DLG2: variants seen among roughly 807,000 people sequenced by gnomAD.
DLG2 encodes the protein disks large homolog 2.
In DLG2, 45 loss-of-function variants were observed where a neutral mutation model predicts 132.5. That is an observed-to-expected ratio of 0.34 (90% CI 0.27 to 0.44). The LOEUF is 0.44. Ranked by LOEUF, DLG2 falls within the 20% of genes least tolerant of loss-of-function variation. DLG2 has a pLI of 1.00. For synonymous variants in DLG2, 424 were observed against 419.6 expected (o/e 1.01, Z -0.13); for missense variants, 1,045 against 1,196.9 (o/e 0.87, Z 1.87).
rs571111157 is a variant in DLG2 at position 83,947,280 on chromosome 11, C to T, written c.1340+15605G>A. 2.0e-5 allele frequency among the ~76,000 whole-genome samples: 3 copies of T among 152,114 alleles called. No homozygotes were observed. In the South Asian group the frequency reaches 6.2e-4, roughly 32 times the overall value. On this transcript the variant is annotated intron_variant, in intron 14 of 27. Coordinates refer to ENST00000376104, the MANE Select transcript of DLG2 (RefSeq NM_001142699.3). ...TTAAATGAATAATCAGTTTCTTTAA[C>T]ATAGACTTTTCTTTTTGCATGACTT...
chr11:84,147,668 A>G (rs2095135404), intron 9 of DLG2, among the ~76,000 whole-genome samples: 1 of 152,144 alleles, frequency 6.6e-6, no homozygotes, highest in Admixed American at 6.5e-5. Context: ...AACATACTTA[A>G]ATATATATTA....
At chr11:84,118,650 A>T (rs1214488674) in intron 9 of DLG2, among the ~76,000 whole-genome samples, 1 of 152,206 alleles carries the variant, frequency 6.6e-6, no homozygotes, top group Non-Finnish European at 1.5e-5. Context: ...AAGGTACTTA[A>T]CCCGAGTATA....
intron 8 of DLG2, among the ~76,000 whole-genome samples, chr11:84,218,295 A>AAGAGAGAAAG (rs112060395): frequency 1.4e-5 from 2 of 140,350 alleles, no homozygotes; most frequent in African/African-American, 5.5e-5. Context: ...GAAAGAGAGA[A>AAGAGAGAAAG]AGAGAAAGAA....
At chr11:85,552,897 A>T (rs2076743833) in intron 3 of DLG2, among the ~76,000 whole-genome samples, 1 of 151,734 alleles carries the variant, frequency 6.6e-6, no homozygotes, top group Non-Finnish European at 1.5e-5. Context: ...ATGATAAAAA[A>T]CATGATCAAA....
chr11:84,651,942 A>T (rs1471480693), intron 6 of DLG2, among the ~76,000 whole-genome samples: 1 of 152,184 alleles, frequency 6.6e-6, no homozygotes, highest in East Asian at 1.9e-4. Flanking sequence ...GAATTATTGG[A>T]AGGCGGAGGA....
chr11:83,857,203 A>G (rs922232976), intron 16 of DLG2, among the ~76,000 whole-genome samples: 4 of 151,880 alleles, frequency 2.6e-5, no homozygotes, highest in Non-Finnish European at 4.4e-5. Context: ...TGTGCCATGC[A>G]GTTTTGGTTC....
At chr11:84,971,737 G>A (rs182872475) in intron 6 of DLG2, among the ~76,000 whole-genome samples, 5 of 152,084 alleles carry the variant, frequency 3.3e-5, no homozygotes, top group African/African-American at 1.2e-4. Context: ...AAATGACCTA[G>A]AGAAAACTTC....
chr11:83,921,072 C>G (rs186414496), intron 15 of DLG2, among the ~76,000 whole-genome samples: 35 of 152,204 alleles, frequency 2.3e-4, no homozygotes, highest in Admixed American at 2.6e-4. Flanking sequence ...CAAATTCTAC[C>G]TTAGAAAGGT....
At chr11:84,627,662 C>G (rs2099625080) in intron 6 of DLG2, among the ~76,000 whole-genome samples, 1 of 152,124 alleles carries the variant, frequency 6.6e-6, no homozygotes, top group African/African-American at 2.4e-5. Flanking sequence ...ATACCTGAGA[C>G]TGGGTAATTT....
chr11:84,429,761 C>A (rs1231569033), intron 7 of DLG2, among the ~76,000 whole-genome samples: 3 of 152,158 alleles, frequency 2.0e-5, no homozygotes, highest in Admixed American at 2.0e-4. Context: ...TTAAATTAAT[C>A]TTGCTGTGTT....
chr11:85,026,652 A>G (rs1365340530), intron 6 of DLG2, among the ~76,000 whole-genome samples: 1 of 152,088 alleles, frequency 6.6e-6, no homozygotes, highest in Non-Finnish European at 1.5e-5. Flanking sequence ...CCTGGCTAAC[A>G]CGGTGAAACC....
intron 6 of DLG2, among the ~76,000 whole-genome samples, chr11:84,714,851 T>C (rs2061028362): frequency 6.6e-6 from 1 of 151,970 alleles, no homozygotes; most frequent in African/African-American, 2.4e-5. Context: ...ACCAAATTAT[T>C]TTACCCCTTC....
At chr11:84,011,876 A>G (rs1471365099) in intron 11 of DLG2, among the ~76,000 whole-genome samples, 3 of 152,172 alleles carry the variant, frequency 2.0e-5, no homozygotes, top group Non-Finnish European at 4.4e-5. Flanking sequence ...TCCATAGCAC[A>G]TTTATTTTTT....
intron 3 of DLG2, among the ~76,000 whole-genome samples, chr11:85,380,631 G>T (rs1266968331): frequency 6.6e-6 from 1 of 152,192 alleles, no homozygotes; most frequent in Non-Finnish European, 1.5e-5. Context: ...TTGCTCTGCA[G>T]CCTGGGCAAC....
At chr11:84,847,787 C>T (rs930532491) in intron 6 of DLG2, among the ~76,000 whole-genome samples, 43 of 152,092 alleles carry the variant, frequency 2.8e-4, no homozygotes, top group Admixed American at 2.8e-3. Context: ...CCCCACAGAC[C>T]TCAGATTCTA....
At chr11:84,880,538 A>G (rs530527702) in intron 6 of DLG2, among the ~76,000 whole-genome samples, 1 of 152,312 alleles carries the variant, frequency 6.6e-6, no homozygotes, top group African/African-American at 2.4e-5. Flanking sequence ...AATAATTAAA[A>G]GATAAATATA....
chr11:84,367,411 G>C (rs879810869), intron 7 of DLG2, among the ~76,000 whole-genome samples: 17 of 152,098 alleles, frequency 1.1e-4, no homozygotes, highest in Non-Finnish European at 1.9e-4. Flanking sequence ...CACTGGGACA[G>C]ACTTGGCCCA....
chr11:84,234,668 C>A (rs1265577045), intron 8 of DLG2, among the ~76,000 whole-genome samples: 2 of 152,160 alleles, frequency 1.3e-5, no homozygotes, highest in African/African-American at 4.8e-5. Flanking sequence ...CTTCATTAAT[C>A]CCTCCTCCTC....
chr11:84,703,887 CGTGT>C lies in DLG2; in HGVS notation c.358-169160_358-169157del, dbSNP rs370287195. Among the ~76,000 whole-genome samples the C allele has an allele frequency of 5.6e-3, 644 of 114,588 alleles. 11 individuals are homozygous for C. The highest frequency in any genetic ancestry group is 0.014 in the African/African-American group (372 of 27,462). 75.2% of individuals were successfully genotyped at this position (114,588 alleles called of 152,430 possible). On this transcript the variant is annotated intron_variant, in intron 6 of 27. Transcript: ENST00000376104. ...ATATATATATATATATATATATACA[CGTGT>C]GTGTGTGTGTGTGTGTGTGTGTGTG...
Sources: gnomAD v4.1 joint callset for allele counts (sites outside exome capture counted in the v4.1 genomes callset) on GRCh38, gnomAD v4.1.1 for gene constraint, MANE v1.5 for transcripts, NCBI Gene and HGNC (gene_info 2026-07-23, HGNC 2026-07-21) for gene names.